DNAH5: variants seen among roughly 807,000 people sequenced by gnomAD.
DNAH5 encodes dynein axonemal heavy chain 5.
Under a neutral mutation model 518.2 loss-of-function variants are expected in DNAH5, and 372 were observed. The ratio of observed to expected loss-of-function variants is 0.72; its 90% CI spans 0.66 to 0.78. The LOEUF is 0.78. DNAH5 is among the 30% of genes least tolerant of loss of function. DNAH5 has a pLI of 0.00. For synonymous variants in DNAH5, 2,039 were observed against 2,025.9 expected, an observed-to-expected ratio of 1.01 and a Z score of -0.17; for missense variants, 5,523 against 5,687.0, an observed-to-expected ratio of 0.97 and a Z score of 0.93.
chr5:13,936,755 T>C (rs1196704156), intron 1 of DNAH5, among the ~76,000 whole-genome samples: 1 of 152,202 alleles, frequency 6.6e-6, no homozygotes, highest in Non-Finnish European at 1.5e-5. Flanking sequence ...CTTTTAATTG[T>C]ACAAATGTTT....
chr5:13,752,487 A>G (rs1045224904), intron 63 of DNAH5, among the ~76,000 whole-genome samples, 198 bp from the exon 64 acceptor site: 5 of 152,200 alleles, frequency 3.3e-5, no homozygotes, highest in African/African-American at 9.6e-5. Context: ...CCTGACCCCT[A>G]TGCTTTCTGA....
intron 1 of DNAH5, among the ~76,000 whole-genome samples, chr5:13,939,729 C>A (rs1049741639): frequency 6.6e-6 from 1 of 152,174 alleles, no homozygotes; most frequent in Non-Finnish European, 1.5e-5. Context: ...CAAGTCTTGC[C>A]TTTTCTGACT....
intron 2 of DNAH5, among the ~76,000 whole-genome samples, 199 bp downstream of exon 2, chr5:13,930,911 A>G (rs1170459765): frequency 6.6e-6 from 1 of 152,236 alleles, no homozygotes; most frequent in Non-Finnish European, 1.5e-5. Flanking sequence ...GACAATTAGA[A>G]GTGCCCCTAT....
At chr5:13,900,026 C>A in intron 15 of DNAH5, 180 bp downstream of exon 15, 1 of 610,366 alleles carries the variant, frequency 1.6e-6, no homozygotes, top group East Asian at 2.8e-5. Context: ...TCTTGGCCTG[C>A]AAGACCTGTA....
intron 55 of DNAH5, 99 bp from the exon 56 acceptor site, chr5:13,771,079 G>T: frequency 8.9e-7 from 1 of 1,126,948 alleles, no homozygotes; most frequent in Non-Finnish European, 1.3e-6. Flanking sequence ...TCTTAGGAAT[G>T]CAAACCATTT....
chr5:13,776,771 C>T, intron 54 of DNAH5, 65 bp from the exon 55 acceptor site: 1 of 1,549,652 alleles, frequency 6.5e-7, no homozygotes. Context: ...AAATGTAGAG[C>T]TTAATACACA....
chr5:13,806,200 T>G (rs1048306206), intron 47 of DNAH5, among the ~76,000 whole-genome samples: 1 of 152,182 alleles, frequency 6.6e-6, no homozygotes, highest in Admixed American at 6.5e-5. Context: ...AACGTTAGCA[T>G]CTTGCCAGCC....
Position 13,922,202 on chromosome 5 carries a change from G to C in DNAH5, c.565C>G (p.Leu189Val), listed in dbSNP as rs1344395624. 3.2e-5 allele frequency: 52 copies of C among 1,613,944 alleles called. No homozygotes were observed. The highest frequency in any genetic ancestry group is 4.4e-5 in the Non-Finnish European group (52 of 1,180,002). ...TGGCGAATGTTAGCTGCGTCCTGAA[G>C]GCCCTCGAGCTCGCCCCAGCCATGG... ...TSHGWGELEGLQDAANIRQEF... is the reference protein window; with the variant it reads ...TSHGWGELEGVQDAANIRQEF... Residue 189 changes from leucine (L) to valine (V), a missense_variant, in exon 5 of 79, where the codon CTT becomes GTT. Leu to Val is a conservative substitution (Grantham distance 32). Around this residue, in one of 3 missense-constraint regions of DNAH5, gnomAD observed 5,121 missense variants for 5,223.3 expected, o/e 0.98. Transcript: ENST00000265104.
intron 68 of DNAH5, among the ~76,000 whole-genome samples, chr5:13,729,868 A>C (rs900175100): frequency 6.6e-6 from 1 of 152,230 alleles, no homozygotes; most frequent in African/African-American, 2.4e-5. Context: ...CAAATTAGTA[A>C]AATAAGAATA....
chr5:13,837,009 A>C (rs575714462), intron 35 of DNAH5, among the ~76,000 whole-genome samples: 1 of 152,212 alleles, frequency 6.6e-6, no homozygotes, highest in Non-Finnish European at 1.5e-5. Context: ...ACCTAAGACA[A>C]TGGGGACCTG....
In DNAH5 at chr5:13,835,117, T is replaced by C. The variant is rs182683934; in HGVS notation, c.5882+4239A>G. 2.0e-3 allele frequency among the ~76,000 whole-genome samples: 308 copies of C among 152,024 alleles called. 5 individuals are homozygous for C. Among genetic ancestry groups the C allele is most frequent in the African/African-American group, 7.1e-3 (294 of 41,466 alleles). On this transcript the variant is annotated intron_variant, in intron 35 of 78. Transcript: ENST00000265104. ...CTGGCCAACACGGTGAAACCCCGCA[T>C]CTACTAAAAATACAAAAATTATCCA...
At chr5:13,916,948 A>G (rs1776711368) in intron 8 of DNAH5, among the ~76,000 whole-genome samples, 195 bp downstream of exon 8, 1 of 152,250 alleles carries the variant, frequency 6.6e-6, no homozygotes, top group Admixed American at 6.5e-5. Context: ...TAGACTGCTT[A>G]GAGAAATAGA....
chr5:13,722,759 A>C (rs1259758119), intron 70 of DNAH5, among the ~76,000 whole-genome samples: 2 of 152,222 alleles, frequency 1.3e-5, no homozygotes, highest in Non-Finnish European at 2.9e-5. Flanking sequence ...TTTACTGTGG[A>C]TCTCTTCTCC....
chr5:13,949,524 C>T (rs936220369), upstream of DNAH5, among the ~76,000 whole-genome samples: 1 of 152,114 alleles, frequency 6.6e-6, no homozygotes, highest in Admixed American at 6.5e-5. Flanking sequence ...AAAAGATGCA[C>T]AAGTTTCCTG....
intron 35 of DNAH5, among the ~76,000 whole-genome samples, chr5:13,835,031 T>C (rs893073407): frequency 6.6e-6 from 1 of 152,116 alleles, no homozygotes; most frequent in Non-Finnish European, 1.5e-5. Context: ...ATTCCTATAA[T>C]CCCAGCACTT....
At chr5:13,953,217 C>A (rs1232013162) in intron 1 of DNAH5, among the ~76,000 whole-genome samples, 1 of 152,114 alleles carries the variant, frequency 6.6e-6, no homozygotes, top group Admixed American at 6.5e-5. Flanking sequence ...TCACTAAAAC[C>A]AACATCACAA....
chr5:13,917,404 G>C, intron 7 of DNAH5, 148 bp from the exon 8 acceptor site: 1 of 681,438 alleles, frequency 1.5e-6, no homozygotes, highest in Non-Finnish European at 2.6e-6. Flanking sequence ...GAGAGATATT[G>C]CTATGCTGGA....
chr5:13,769,704 G>T, intron 56 of DNAH5, 89 bp from the exon 57 acceptor site: 1 of 1,117,342 alleles, frequency 8.9e-7, no homozygotes, highest in South Asian at 1.2e-5. Context: ...AGTGGTAATG[G>T]TTATATCTGA....
In DNAH5 at chr5:13,901,485, A is replaced by G. The variant is rs1430013908; in HGVS notation, c.1819T>C (p.Tyr607His). The G allele has an allele frequency of 6.2e-7, 1 of 1,613,878 alleles. No individual in the cohort carries two copies. The highest frequency in any genetic ancestry group is 1.7e-5 in the Admixed American group (1 of 60,026). Residue 607 changes from tyrosine to histidine, a missense_variant, in exon 14 of 79, where the codon TAT becomes CAT. Tyr to His is a moderately conservative substitution (Grantham distance 83). Transcript: ENST00000265104. ...GGAGGATCGTATTTCTGCTTTGTAT[A>G]CAGCTTTGAAATCATATCAATGTCA... Reference protein sequence around the residue: ...GADIDMISKLYTKQKYDPPLA... With the variant: ...GADIDMISKLHTKQKYDPPLA...
Sources: gnomAD v4.1 joint callset for allele counts (sites outside exome capture counted in the v4.1 genomes callset) on GRCh38, gnomAD v4.1.1 for gene constraint, gnomAD v4.1.1 regional missense constraint, MANE v1.5 for transcripts, NCBI Gene and HGNC (gene_info 2026-07-23, HGNC 2026-07-21) for gene names.